Variants in HDAC9 observed in about 807,000 individuals in gnomAD.
HDAC9 encodes the protein MEF-2 interacting transcription repressor (MITR) protein.
A neutral mutation model predicts 139.4 loss-of-function variants in HDAC9; 41 were observed. The ratio of observed to expected loss-of-function variants is 0.29; its 90% confidence interval spans 0.23 to 0.38. The LOEUF is 0.38. Among genes scored for constraint, HDAC9 ranks in the 10% least tolerant of loss-of-function variants. HDAC9 has a pLI of 1.00. For missense variants in HDAC9, 1,147 were observed against 1,297.0 expected, an observed-to-expected ratio of 0.88 and a Z score of 1.78; for synonymous variants, 517 against 476.2, an observed-to-expected ratio of 1.09 and a Z score of -1.12.
At chr7:18,666,690 T>A in intron 12 of HDAC9, 1 of 1,298,444 alleles carries the variant, frequency 7.7e-7, no homozygotes, top group Non-Finnish European at 9.8e-7. Flanking sequence ...GATATCAATG[T>A]TTCATTGAAA....
At chr7:18,632,941 G>A (rs543887512) in intron 7 of HDAC9, among the ~76,000 whole-genome samples, 16 of 152,006 alleles carry the variant, frequency 1.1e-4, no homozygotes, top group Middle Eastern at 3.4e-3. Context: ...GAGATATGCA[G>A]GAAACAGTTA....
rs1786743221 is a variant in HDAC9, at chr7:19,001,444, A to T, written c.*5382A>T. ...GTCATGTCCTTAATCCTTCATTGTG[A>T]TGCCCCTTCTTGGAGTTGGCATTTT... On this transcript the variant is annotated 3_prime_UTR_variant, in exon 26 of 26. Coordinates refer to ENST00000686413, the MANE Select transcript of HDAC9 (RefSeq NM_178425.4). 6.6e-6 allele frequency: 1 copy of T among 151,874 alleles called. No individual in the cohort carries two copies. The highest frequency in any genetic ancestry group is 1.5e-5 in the Non-Finnish European group (1 of 67,954). The allele number at this position is 151,874 out of a possible 1,614,324, so 9.4% of individuals were successfully genotyped here.
chr7:18,924,603 G>A (rs965987555), intron 22 of HDAC9, among the ~76,000 whole-genome samples: 7 of 151,986 alleles, frequency 4.6e-5, no homozygotes, highest in African/African-American at 9.7e-5. Flanking sequence ...AGAAGGCAGC[G>A]GTTTTGTTTT....
chr7:18,523,241 G>A (rs1185397249), intron 2 of HDAC9, among the ~76,000 whole-genome samples: 1 of 152,202 alleles, frequency 6.6e-6, no homozygotes, highest in Non-Finnish European at 1.5e-5. Flanking sequence ...TGCATGATCA[G>A]AAATACTTCT....
At chr7:18,613,345 A>T (rs577667541) in intron 6 of HDAC9, among the ~76,000 whole-genome samples, 70 of 152,128 alleles carry the variant, frequency 4.6e-4, no homozygotes, top group African/African-American at 1.6e-3. Flanking sequence ...AAGGAAAAGG[A>T]GGCGAGCAAA....
chr7:18,429,565 C>CTGTG (rs35916049), intron 1 of HDAC9, among the ~76,000 whole-genome samples: 8 of 137,586 alleles, frequency 5.8e-5, no homozygotes, highest in Admixed American at 5.5e-4. Flanking sequence ...GTGTGTGTGT[C>CTGTG]TGTGTGTGTG....
At chr7:18,267,775 T>G (rs1230869418) in intron 2 of HDAC9, among the ~76,000 whole-genome samples, 1 of 152,168 alleles carries the variant, frequency 6.6e-6, no homozygotes, top group Non-Finnish European at 1.5e-5. Context: ...AGATATCTCT[T>G]TGACATATTT....
intron 1 of HDAC9, among the ~76,000 whole-genome samples, chr7:18,099,280 T>G (rs1315724329): frequency 6.6e-6 from 1 of 152,016 alleles, no homozygotes. Flanking sequence ...GCCAACATGG[T>G]GAAATCCTGT....
intron 23 of HDAC9, among the ~76,000 whole-genome samples, chr7:18,940,173 G>A (rs763251783): frequency 1.3e-5 from 2 of 152,030 alleles, no homozygotes; most frequent in Non-Finnish European, 2.9e-5. Flanking sequence ...CATCTGTGTA[G>A]ACACATAGAG....
chr7:18,672,879 T>C (rs1303323399), intron 12 of HDAC9, among the ~76,000 whole-genome samples: 4 of 152,042 alleles, frequency 2.6e-5, no homozygotes, highest in African/African-American at 9.7e-5. Context: ...TTGCAATTAC[T>C]AGTTGCAATT....
intron 24 of HDAC9, among the ~76,000 whole-genome samples, chr7:18,962,186 T>C (rs1452670582): frequency 1.3e-5 from 2 of 152,202 alleles, no homozygotes; most frequent in Non-Finnish European, 2.9e-5. Context: ...AAGCCCTGAC[T>C]GTTGTCAGGT....
chr7:18,931,547 C>G (rs2129305687), intron 22 of HDAC9, among the ~76,000 whole-genome samples: 1 of 152,234 alleles, frequency 6.6e-6, no homozygotes, highest in East Asian at 1.9e-4. Context: ...CATTAAAGTG[C>G]TTCAAGATAT....
chr7:18,485,735 G>A (rs1011314605), intron 1 of HDAC9, among the ~76,000 whole-genome samples: 34 of 152,078 alleles, frequency 2.2e-4, no homozygotes, highest in African/African-American at 6.3e-4. Flanking sequence ...ATACTGAAAG[G>A]CAGATGTTAA....
intron 12 of HDAC9, among the ~76,000 whole-genome samples, chr7:18,689,061 G>A (rs528463460): frequency 6.6e-6 from 1 of 152,060 alleles, no homozygotes; most frequent in South Asian, 2.1e-4. Context: ...CCAAATGGGA[G>A]CAGATAAATT....
intron 12 of HDAC9, among the ~76,000 whole-genome samples, chr7:18,690,089 T>A (rs1782564802): frequency 6.6e-6 from 1 of 151,926 alleles, no homozygotes; most frequent in Non-Finnish European, 1.5e-5. Flanking sequence ...TGTTGAGCAG[T>A]CCCACTGGTT....
At chr7:18,827,889 T>C (rs895069320) in intron 17 of HDAC9, among the ~76,000 whole-genome samples, 6 of 152,184 alleles carry the variant, frequency 3.9e-5, no homozygotes, top group African/African-American at 1.4e-4. Flanking sequence ...TTTCAGTCTC[T>C]ATTATCTTGT....
At chr7:18,435,835 A>T (rs953529308) in intron 1 of HDAC9, among the ~76,000 whole-genome samples, 1 of 151,018 alleles carries the variant, frequency 6.6e-6, no homozygotes, top group Non-Finnish European at 1.5e-5. Flanking sequence ...ACATGGAAAG[A>T]TGTCCAAGAC....
intron 12 of HDAC9, among the ~76,000 whole-genome samples, chr7:18,705,968 A>G (rs1783876795): frequency 6.6e-6 from 1 of 151,828 alleles, no homozygotes; most frequent in Admixed American, 6.6e-5. Context: ...TTAATCCTGT[A>G]GTGGAAAGGA....
intron 1 of HDAC9, among the ~76,000 whole-genome samples, chr7:18,445,179 G>T (rs919885448): frequency 1.3e-5 from 2 of 152,098 alleles, no homozygotes; most frequent in African/African-American, 2.4e-5. Flanking sequence ...TCATATCATG[G>T]CAACAGATTA....
Sources: allele counts gnomAD v4.1 joint callset (sites outside exome capture counted in the v4.1 genomes callset), GRCh38; gene constraint gnomAD v4.1.1; transcripts MANE v1.5; gene names NCBI Gene and HGNC (gene_info 2026-07-23, HGNC 2026-07-21).